The following GLT8D2 variants were observed in gnomAD, a reference collection of about 807,000 sequenced individuals.
GLT8D2 encodes glycosyltransferase 8 domain containing 2.
In GLT8D2, 45 loss-of-function variants were observed where a neutral mutation model predicts 44.5. The ratio of observed to expected loss-of-function variants is 1.01; its 90% CI spans 0.80 to 1.30. GLT8D2 has a LOEUF of 1.30. GLT8D2 is among the 50% of genes most tolerant of loss of function. The pLI is 0.00. For missense variants in GLT8D2, 400 were observed against 430.4 expected (o/e 0.93, Z 0.62); for synonymous variants, 156 against 157.2 (o/e 0.99, Z 0.06).
At chr12:103,999,367 G>A in intron 6 of GLT8D2, 30 bp downstream of exon 6, 2 of 1,244,822 alleles carry the variant, frequency 1.6e-6, no homozygotes, top group Non-Finnish European at 2.4e-6. Flanking sequence ...ACCAAGGACT[G>A]TCCCCAGCAC....
chr12:104,039,042 G>A (rs189467761), intron 1 of GLT8D2, among the ~76,000 whole-genome samples: 1,925 of 152,014 alleles, frequency 0.013, 18 homozygotes, highest in Non-Finnish European at 0.018. Context: ...CAAGAAATAG[G>A]GAAAGGATTC....
chr12:104,053,182 C>G (rs1342478708), upstream of GLT8D2, among the ~76,000 whole-genome samples: 4 of 152,204 alleles, frequency 2.6e-5, no homozygotes, highest in African/African-American at 7.2e-5. Context: ...AGTGCAATTT[C>G]CTTCACAGAT....
At chr12:104,018,085 T>C (rs561260791) in intron 3 of GLT8D2, among the ~76,000 whole-genome samples, 6 of 152,192 alleles carry the variant, frequency 3.9e-5, no homozygotes, top group Admixed American at 2.0e-4. Context: ...TTCTCCTACC[T>C]CAGCCTCCGA....
At chr12:103,991,494 G>A (rs772382587) in intron 10 of GLT8D2, among the ~76,000 whole-genome samples, 1 of 151,136 alleles carries the variant, frequency 6.6e-6, no homozygotes, top group African/African-American at 2.4e-5. Context: ...GGCCTAAGTT[G>A]CATGTTTCAT....
intron 1 of GLT8D2, among the ~76,000 whole-genome samples, chr12:104,057,781 GTACTT>G (rs1440929984): frequency 6.6e-6 from 1 of 152,156 alleles, no homozygotes; most frequent in East Asian, 1.9e-4. Flanking sequence ...AAGACTGCCT[GTACTT>G]TACATGTATT....
Position 104,018,830 on chromosome 12 carries a change from T to A in GLT8D2, c.19+800A>T, listed in dbSNP as rs146376158. 3.0e-3 allele frequency among the ~76,000 whole-genome samples: 458 copies of A among 152,310 alleles called. 4 individuals are homozygous for A. The highest frequency in any genetic ancestry group is 0.01 in the African/African-American group (429 of 41,564). On this transcript the variant is annotated intron_variant, in intron 3 of 10. Coordinates refer to ENST00000360814, the MANE Select transcript of GLT8D2 (RefSeq NM_001384711.1). ...ATTTAACTGGTTGTCCTGTTCTGAG[T>A]CTTTGTTTGCTGAATCTGGCAACTC...
rs1355012205 is a variant in GLT8D2, at chr12:103,998,659, C to A, written c.402+738G>T. Among the ~76,000 whole-genome samples, 4 of 152,224 alleles carry A rather than the reference C, an allele frequency of 2.6e-5. No homozygotes were observed. In the East Asian group the frequency reaches 7.7e-4, roughly 29 times the overall value. On this transcript the variant is annotated intron_variant, in intron 6 of 10. Coordinates refer to ENST00000360814, the MANE Select transcript of GLT8D2 (RefSeq NM_001384711.1). ...TCCTGACCTCACGATCCGCCTGCCT[C>A]GGCCTCCCAAAGTGTTGGGATTACA...
chr12:104,046,522 C>T (rs1480004386), intron 1 of GLT8D2, among the ~76,000 whole-genome samples: 2 of 152,206 alleles, frequency 1.3e-5, no homozygotes, highest in Non-Finnish European at 2.9e-5. Flanking sequence ...CAGCCAACCA[C>T]TTTCCATCGC....
At chr12:104,038,782 T>C (rs534982030) in intron 1 of GLT8D2, among the ~76,000 whole-genome samples, 3 of 152,184 alleles carry the variant, frequency 2.0e-5, no homozygotes, top group East Asian at 3.9e-4. Flanking sequence ...CTTCACAGAA[T>C]TGGAAAAAAA....
upstream of GLT8D2, chr12:104,064,261 T>C: frequency 3.0e-6 from 1 of 330,254 alleles, no homozygotes; most frequent in Non-Finnish European, 5.5e-6. The surrounding 1 kb of genome is among the most constrained non-coding windows in gnomAD (Gnocchi z 7.3). Context: ...CTTCCCAAAA[T>C]ACCGAACGGG....
Position 103,989,398 on chromosome 12 carries a change from T to C in GLT8D2, c.*10A>G. 6.3e-7 allele frequency: 1 copy of C among 1,593,580 alleles called. No homozygotes were observed. The highest frequency in any genetic ancestry group is 8.5e-7 in the Non-Finnish European group (1 of 1,170,106). On this transcript the variant is annotated 3_prime_UTR_variant, in exon 11 of 11. Coordinates refer to ENST00000360814, the MANE Select transcript of GLT8D2 (RefSeq NM_001384711.1). ...TTCTATACAGGGAATATTTTAAGGG[T>C]AGAGTTATATCAGCTATGGTGATTG...
intron 4 of GLT8D2, among the ~76,000 whole-genome samples, chr12:104,008,465 G>C (rs1319208503): frequency 6.6e-6 from 1 of 152,196 alleles, no homozygotes; most frequent in African/African-American, 2.4e-5. Flanking sequence ...CATTCAAGAG[G>C]TGGCTTGGGT....
Position 104,023,063 on chromosome 12 carries a change from AT to A in GLT8D2, c.-163-1573del, listed in dbSNP as rs576440803. Reference sequence around the variant, plus strand: ...GTATTTGATACATGTTGACAAGCAAATTTTTTTCCAGTCTTCTGGATTTACA... The same window carrying A: ...GTATTTGATACATGTTGACAAGCAAATTTTTTCCAGTCTTCTGGATTTACA... On this transcript the variant is annotated intron_variant, in intron 1 of 10. Coordinates refer to ENST00000360814, the MANE Select transcript of GLT8D2 (RefSeq NM_001384711.1). Among the ~76,000 whole-genome samples the A allele has an allele frequency of 5.8e-3, 880 of 152,212 alleles. 7 individuals are homozygous for A. Among genetic ancestry groups the A allele is most frequent in the Non-Finnish European group, 0.01 (711 of 68,016 alleles).
intron 4 of GLT8D2, among the ~76,000 whole-genome samples, chr12:104,010,354 G>C (rs1268413371): frequency 6.6e-6 from 1 of 152,196 alleles, no homozygotes; most frequent in African/African-American, 2.4e-5. Flanking sequence ...TGCCTGGAAT[G>C]ATTTCAATAT....
chr12:104,036,374 TAAAG>T (rs925286035), intron 1 of GLT8D2, among the ~76,000 whole-genome samples: 126 of 152,146 alleles, frequency 8.3e-4, no homozygotes, highest in African/African-American at 2.9e-3. Context: ...GCAAATTGGA[TAAAG>T]AGTCAAGACC....
chr12:104,005,863 C>T (rs1327329692), intron 4 of GLT8D2, among the ~76,000 whole-genome samples: 15 of 152,170 alleles, frequency 9.9e-5, no homozygotes, highest in Admixed American at 8.5e-4. Flanking sequence ...TACCATTTGA[C>T]CCAGCCATCC....
intron 4 of GLT8D2, among the ~76,000 whole-genome samples, chr12:104,013,818 T>C (rs1002951254): frequency 7.9e-5 from 12 of 152,202 alleles, no homozygotes; most frequent in Admixed American, 2.6e-4. Flanking sequence ...CAGGGCTCAC[T>C]GCTGCTTAGA....
intron 1 of GLT8D2, among the ~76,000 whole-genome samples, chr12:104,022,615 G>A (rs1878044670): frequency 6.6e-6 from 1 of 151,768 alleles, no homozygotes; most frequent in South Asian, 2.1e-4. Flanking sequence ...AATCAAAATG[G>A]GTACCAGCTA....
intron 1 of GLT8D2, among the ~76,000 whole-genome samples, chr12:104,062,369 G>A (rs7485254): frequency 0.22 from 32,718 of 151,116 alleles, 3,866 homozygotes; most frequent in East Asian, 0.28. Flanking sequence ...CACCGCACCC[G>A]TCCTGAGAAT....
Sources: allele counts gnomAD v4.1 joint callset (sites outside exome capture counted in the v4.1 genomes callset), GRCh38; gene constraint gnomAD v4.1.1; non-coding constraint Gnocchi (gnomAD v3.1); transcripts MANE v1.5; gene names NCBI Gene and HGNC (gene_info 2026-07-23, HGNC 2026-07-21).